The following FGA variants were observed in gnomAD, a reference collection of about 807,000 sequenced individuals.
FGA encodes the protein fibrinogen, A alpha polypeptide.
A neutral mutation model predicts 20.3 loss-of-function variants in FGA; 20 were observed. The observed-to-expected ratio is 0.99, with a 90% CI of 0.69 to 1.43. The LOEUF is 1.43. Ranked by LOEUF, FGA falls within the 40% of genes most tolerant of loss-of-function variation. FGA has a pLI of 0.00. For missense variants in FGA, 777 were observed against 784.7 expected (o/e 0.99, Z 0.12); for synonymous variants, 306 against 281.6 (o/e 1.09, Z -0.87).
At chr4:154,584,146 ATT>A (rs763050802), downstream of FGA, 1 of 1,399,622 alleles carries the variant, frequency 7.1e-7, no homozygotes, top group African/African-American at 1.9e-5. Flanking sequence ...AAGGGGCCTA[ATT>A]TTCATGCGAA....
chr4:154,583,929 TA>T (rs919662921), downstream of FGA: 20 of 597,898 alleles, frequency 3.3e-5, no homozygotes, highest in Middle Eastern at 4.4e-4. Context: ...TATTTAAAGA[TA>T]AAAAAAACCT....
chr4:154,583,278 A>T (rs1730630699), downstream of FGA: 1 of 152,244 alleles, frequency 6.6e-6, no homozygotes, highest in South Asian at 2.1e-4. Flanking sequence ...TGAATTTTGA[A>T]TATAGCATAG....
Position 154,586,853 on chromosome 4 carries a change from T to C in FGA, c.576A>G (p.Val192=). Residue 192 remains valine (V), a synonymous_variant, in exon 5 of 5, where the codon GTA becomes GTG. Transcript: ENST00000403106. ...GCTGATCTTCATAGTCCTTCAGATC[T>C]ACTTCACGAGCTAAAGCCCTACTGC... ...GSCSRALARE[V]DLKDYEDQQK... The C allele has an allele frequency of 1.9e-6, 3 of 1,614,148 alleles. No individual in the cohort carries two copies. The highest frequency in any genetic ancestry group is 2.5e-6 in the Non-Finnish European group (3 of 1,179,976).
At position 154,589,580 on chromosome 4, in the gene FGA, C is replaced by T. The variant is rs748359259; in HGVS notation, c.55-18G>A. ...TCTGCAGTCTTTAAAGATTCATTCACATACACAAAAGAGAGCAACAGCAAT... is the reference window on the plus strand; with the variant it reads ...TCTGCAGTCTTTAAAGATTCATTCATATACACAAAAGAGAGCAACAGCAAT... On this transcript the variant is annotated intron_variant, in intron 1 of 4. Coordinates refer to ENST00000403106, the MANE Select transcript of FGA (RefSeq NM_021871.4). 2.5e-6 allele frequency: 4 copies of T among 1,611,240 alleles called. No individual in the cohort carries two copies. In the East Asian group the frequency reaches 8.9e-5, roughly 36 times the overall value.
Position 154,586,670 on chromosome 4 carries a change from G to A in FGA, c.759C>T (p.Asp253=). 6.2e-7 allele frequency: 1 copy of A among 1,614,212 alleles called. No individual in the cohort carries two copies. The highest frequency in any genetic ancestry group is 8.5e-7 in the Non-Finnish European group (1 of 1,180,046). The change falls in exon 5 of 5, where the codon GAC becomes GAT. Residue 253 remains aspartate (D), a synonymous_variant. Coordinates refer to ENST00000403106, the MANE Select transcript of FGA (RefSeq NM_021871.4). ...KVPPEWKALT[D]MPQMRMELER... ...CTAACTCCATTCTCATCTGCGGCAT[G>A]TCTGTTAATGCCTTCCACTCTGGGG...
downstream of FGA, chr4:154,584,442 A>T: frequency 6.2e-7 from 1 of 1,614,170 alleles, no homozygotes; most frequent in Non-Finnish European, 8.5e-7. Flanking sequence ...CATCACCCGC[A>T]GTGCCTTCAT....
rs2110809789 is a variant in FGA, at chr4:154,585,996, A to G, written c.1433T>C (p.Val478Ala). 6.2e-7 allele frequency: 1 copy of G among 1,614,090 alleles called. No homozygotes were observed. Among genetic ancestry groups the G allele is most frequent in the African/African-American group, 1.3e-5 (1 of 75,026 alleles). ...TTCGGAGGTCACCACTTCTTTGGTAACTTCTTTGTGACCATCAGGACCAAT... is the reference window on the plus strand; with the variant it reads ...TTCGGAGGTCACCACTTCTTTGGTAGCTTCTTTGTGACCATCAGGACCAAT... The part of the protein sequence containing the change: ...TVIGPDGHKE[V>A]TKEVVTSEDG... Residue 478 changes from valine to alanine, a missense_variant, in exon 5 of 5, where the codon GTT (valine) becomes GCT (alanine). Physicochemically the swap from Val to Ala is moderately conservative, Grantham distance 64 (BLOSUM62 0). Transcript: ENST00000403106.
intron 3 of FGA, 91 bp from the exon 4 acceptor site, chr4:154,587,748 A>AAAGAAAGAAAGAAAGAAAG (rs1730766429): frequency 4.5e-6 from 1 of 220,122 alleles, no homozygotes; most frequent in Admixed American, 6.6e-5. Context: ...AAGGAAGGAG[A>AAAGAAAGAAAGAAAGAAAG]AAGAAAGAAA....
In FGA at chr4:154,586,373, AG is replaced by A. The variant is rs1299596156; in HGVS notation, c.1055del (p.Pro352LeufsTer69). Reference sequence around the variant, plus strand: ...TCCAGGTTCCGGTACTACCAGGTCTAGGGCTCCCAGGGTTTTGGTTTCCAGT... The same window carrying A: ...TCCAGGTTCCGGTACTACCAGGTCTAGGCTCCCAGGGTTTTGGTTTCCAGT... Reference protein sequence around the residue: ...GSTGNQNPGSPRPGSTGTWNP... With the variant: ...GSTGNQNPGSXRPGSTGTWNP... On this transcript the variant is annotated frameshift_variant, in exon 5 of 5. Coordinates refer to ENST00000403106, the MANE Select transcript of FGA (RefSeq NM_021871.4). LOFTEE classifies it low-confidence loss of function (END_TRUNC). 23 of 1,614,044 alleles carry A rather than the reference AG, an allele frequency of 1.4e-5. No individual in the cohort carries two copies. Among genetic ancestry groups the A allele is most frequent in the Non-Finnish European group, 1.9e-5 (22 of 1,180,026 alleles).
chr4:154,587,787 G>GAAAC, intron 3 of FGA, 130 bp from the exon 4 acceptor site: 2 of 713,650 alleles, frequency 2.8e-6, no homozygotes, highest in Non-Finnish European at 2.3e-6. Flanking sequence ...AAGAAAGAAA[G>GAAAC]AAAGAAAGAA....
At chr4:154,584,826 A>G (rs200882978), downstream of FGA, 2 of 1,610,796 alleles carry the variant, frequency 1.2e-6, no homozygotes, top group Non-Finnish European at 1.7e-6. Flanking sequence ...GGAGGACATC[A>G]TCACAGTCTA....
In FGA at chr4:154,587,758, A is replaced by AGAAAGAAAGAAG. The variant is rs1172798310; in HGVS notation, c.365-102_365-101insCTTCTTTCTTTC. 7.7e-5 allele frequency: 44 copies of AGAAAGAAAGAAG among 568,276 alleles called. No homozygotes were observed. The African/African-American group carries it at 8.5e-4, about 11-fold the overall frequency. The allele number at this position is 568,276 out of a possible 1,614,324, so 35.2% of individuals were successfully genotyped here. A position where few individuals can be genotyped will look rare whatever the true frequency, so the allele number is the denominator to read the frequency against. ...AAAGGAAGGAAGGAGAAAGAAAGAA[A>AGAAAGAAAGAAG]GAAAGAAAGAAAGAAAGAAAGAAAG... On this transcript the variant is annotated intron_variant, in intron 3 of 4. Transcript: ENST00000403106.
At chr4:154,583,357 T>C (rs192724024), downstream of FGA, 2 of 152,318 alleles carry the variant, frequency 1.3e-5, no homozygotes, top group Admixed American at 6.5e-5. Flanking sequence ...TCACAGAATA[T>C]AGTTTATGAT....
downstream of FGA, chr4:154,584,656 T>G (rs1730665201): frequency 6.2e-7 from 1 of 1,614,160 alleles, no homozygotes; most frequent in Admixed American, 1.7e-5. Flanking sequence ...CTTGTAGTCT[T>G]GCCAGGTCCG....
At chr4:154,587,808 A>AGAG (rs1560826885) in intron 3 of FGA, 151 bp from the exon 4 acceptor site, 2 of 675,860 alleles carry the variant, frequency 3.0e-6, no homozygotes, top group African/African-American at 2.1e-5. Context: ...AGAAAGAGAA[A>AGAG]AAAGAAAGAA....
At chr4:154,589,384 C>A (rs2070026) in intron 2 of FGA, 53 bp downstream of exon 2, 2 of 1,603,964 alleles carry the variant, frequency 1.2e-6, no homozygotes, top group South Asian at 2.2e-5. Flanking sequence ...AGCCTGTGAG[C>A]CCCTCTAGCA....
At chr4:154,584,089 A>AGAAGACAGAGTGCTCCCATTCCCACTTT (rs1553963835), downstream of FGA, 7 of 1,369,446 alleles carry the variant, frequency 5.1e-6, no homozygotes, top group Admixed American at 1.7e-5. Context: ...TCTCTAGCAA[A>AGAAGACAGAGTGCTCCCATTCCCACTTT]GAAGACAGAG....
chr4:154,586,966 T>A, intron 4 of FGA, 48 bp from the exon 5 acceptor site: 1 of 1,571,936 alleles, frequency 6.4e-7, no homozygotes. Flanking sequence ...TACAAATACA[T>A]AAACTACGTC....
downstream of FGA, chr4:154,583,853 G>A: frequency 2.4e-6 from 1 of 416,456 alleles, no homozygotes; most frequent in Non-Finnish European, 4.3e-6. Flanking sequence ...GCTTCTGTCT[G>A]CCACTTTCCT....
Sources: gnomAD v4.1 joint callset for allele counts on GRCh38, gnomAD v4.1.1 for gene constraint, MANE v1.5 for transcripts, NCBI Gene and HGNC (gene_info 2026-07-23, HGNC 2026-07-21) for gene names.